Variants in CSMD1 observed in about 807,000 individuals in gnomAD.
CSMD1 encodes the protein CUB and Sushi multiple domains 1.
In CSMD1, 213 loss-of-function variants were observed where a neutral mutation model predicts 417.5. The observed-to-expected ratio is 0.51, with a 90% CI of 0.46 to 0.57. The LOEUF is 0.57. CSMD1 is among the 20% of genes least tolerant of loss of function. The pLI is 0.00. For synonymous variants in CSMD1, 2,862 were observed against 1,736.8 expected, an observed-to-expected ratio of 1.65 and a Z score of -16.11; for missense variants, 6,923 against 4,529.7, an observed-to-expected ratio of 1.53 and a Z score of -15.17.
At chr8:4,348,292 G>C (rs562406395) in intron 3 of CSMD1, among the ~76,000 whole-genome samples, 2 of 152,068 alleles carry the variant, frequency 1.3e-5, no homozygotes, top group Non-Finnish European at 1.5e-5. Flanking sequence ...CAGGAGCAAA[G>C]GCATGTTCTG....
chr8:4,295,320 A>C (rs1269201172), intron 3 of CSMD1, among the ~76,000 whole-genome samples: 1 of 113,618 alleles, frequency 8.8e-6, no homozygotes, highest in Non-Finnish European at 2.1e-5. Flanking sequence ...TCTTAAGATT[A>C]TGCACATATA....
intron 1 of CSMD1, among the ~76,000 whole-genome samples, chr8:4,843,431 G>A (rs1016133504): frequency 7.1e-5 from 10 of 140,706 alleles, no homozygotes; most frequent in African/African-American, 5.9e-5. Context: ...CATTTGGAGA[G>A]ATTACAACAA....
chr8:4,276,797 G>C (rs1585143012), intron 3 of CSMD1, among the ~76,000 whole-genome samples: 1 of 152,100 alleles, frequency 6.6e-6, no homozygotes, highest in South Asian at 2.1e-4. Context: ...AAATAGAACA[G>C]TGGTTTTCCC....
intron 3 of CSMD1, among the ~76,000 whole-genome samples, chr8:4,156,305 C>T (rs1246639668): frequency 3.3e-5 from 5 of 152,078 alleles, no homozygotes; most frequent in Non-Finnish European, 5.9e-5. Context: ...TTCTCCTTTT[C>T]AATGAAGGCT....
At chr8:4,875,772 A>G (rs1398601773) in intron 1 of CSMD1, among the ~76,000 whole-genome samples, 1 of 152,114 alleles carries the variant, frequency 6.6e-6, no homozygotes, top group Non-Finnish European at 1.5e-5. Flanking sequence ...TTCAGAGGAT[A>G]GGGAACTCTA....
chr8:2,967,894 G>T (rs746577176), intron 57 of CSMD1, among the ~76,000 whole-genome samples: 22 of 152,076 alleles, frequency 1.4e-4, no homozygotes, highest in Admixed American at 2.6e-4. Flanking sequence ...GGTTGAACTG[G>T]ATCTTGTTTG....
chr8:3,022,743 G>C (rs1192546934), intron 51 of CSMD1, among the ~76,000 whole-genome samples: 1 of 150,884 alleles, frequency 6.6e-6, no homozygotes, highest in Non-Finnish European at 1.5e-5. Context: ...GCTGGCAAGA[G>C]AATGTGTGAG....
chr8:3,911,712 A>G (rs1584951818), intron 5 of CSMD1, among the ~76,000 whole-genome samples: 1 of 152,090 alleles, frequency 6.6e-6, no homozygotes, highest in African/African-American at 2.4e-5. Context: ...TCGCCTATCA[A>G]ACTCCAGAAC....
intron 2 of CSMD1, among the ~76,000 whole-genome samples, chr8:4,442,525 A>C (rs1457239746): frequency 1.3e-5 from 2 of 152,138 alleles, no homozygotes; most frequent in African/African-American, 2.4e-5. Context: ...ATGTCTGTTT[A>C]CCTGAAGAAC....
At chr8:3,301,479 A>T (rs1215875898) in intron 25 of CSMD1, among the ~76,000 whole-genome samples, 2 of 152,210 alleles carry the variant, frequency 1.3e-5, no homozygotes, top group African/African-American at 4.8e-5. Context: ...AGAAATGATG[A>T]GATCAGGGAA....
chr8:4,899,004 G>A (rs981164232), intron 1 of CSMD1, among the ~76,000 whole-genome samples: 3 of 152,118 alleles, frequency 2.0e-5, no homozygotes, highest in Non-Finnish European at 4.4e-5. Context: ...AAATAGAAAA[G>A]TGAGAGTTTT....
intron 7 of CSMD1, among the ~76,000 whole-genome samples, chr8:3,639,181 G>T (rs556068465): frequency 6.6e-6 from 1 of 152,206 alleles, no homozygotes; most frequent in South Asian, 2.1e-4. Flanking sequence ...CAAGAGGACA[G>T]AGTAAGTCAG....
chr8:3,388,112 A>G (rs1350517807), intron 17 of CSMD1, among the ~76,000 whole-genome samples: 1 of 152,208 alleles, frequency 6.6e-6, no homozygotes, highest in Non-Finnish European at 1.5e-5. Context: ...TTGGCAGTTT[A>G]ACTTTCAAAT....
chr8:4,149,673 A>G (rs1480682568), intron 3 of CSMD1, among the ~76,000 whole-genome samples: 1 of 152,230 alleles, frequency 6.6e-6, no homozygotes, highest in African/African-American at 2.4e-5. Context: ...TAAGTGCTAC[A>G]CTGAAGGAAT....
At chr8:4,484,918 A>C (rs1801289791) in intron 2 of CSMD1, among the ~76,000 whole-genome samples, 1 of 137,200 alleles carries the variant, frequency 7.3e-6, no homozygotes, top group African/African-American at 2.7e-5. Context: ...GGTTGCAGTG[A>C]GCCGAGATCG....
At chr8:4,314,418 T>C in intron 3 of CSMD1, among the ~76,000 whole-genome samples, 1 of 152,226 alleles carries the variant, frequency 6.6e-6, no homozygotes, top group East Asian at 1.9e-4. Flanking sequence ...ATAAGTGTTC[T>C]ATTTCAGGAA....
intron 5 of CSMD1, among the ~76,000 whole-genome samples, chr8:3,758,639 T>G (rs1030575700): frequency 6.6e-6 from 1 of 152,222 alleles, no homozygotes; most frequent in African/African-American, 2.4e-5. Flanking sequence ...TTGTGAACTC[T>G]CTAACAACTT....
chr8:3,796,707 G>C (rs1176995113), intron 5 of CSMD1, among the ~76,000 whole-genome samples: 1 of 150,288 alleles, frequency 6.7e-6, no homozygotes. Flanking sequence ...GATGAGAATG[G>C]GTAGGAAACA....
chr8:4,039,401 T>A (rs1343917572), intron 3 of CSMD1, among the ~76,000 whole-genome samples: 4 of 152,216 alleles, frequency 2.6e-5, no homozygotes, highest in Non-Finnish European at 4.4e-5. Flanking sequence ...TAGAAAAATC[T>A]GGTTATATAA....
Sources: allele counts gnomAD v4.1 joint callset (sites outside exome capture counted in the v4.1 genomes callset), GRCh38; gene constraint gnomAD v4.1.1; transcripts MANE v1.5; gene names NCBI Gene and HGNC (gene_info 2026-07-23, HGNC 2026-07-21).